Variants in CALN1 observed in about 807,000 individuals in gnomAD.
CALN1 encodes calcium-binding protein 8.
CALN1 carries 17 observed loss-of-function variants against 30.6 expected under a neutral mutation model. That is an observed-to-expected ratio of 0.56 (90% CI 0.38 to 0.83). The LOEUF (loss-of-function observed/expected upper bound fraction) is 0.83. Among genes scored for constraint, CALN1 ranks in the 40% least tolerant of loss-of-function variants. The pLI, the probability that CALN1 is intolerant of heterozygous loss-of-function variation, is 0.00. For synonymous variants in CALN1, 156 were observed against 131.4 expected, an observed-to-expected ratio of 1.19 and a Z score of -1.28; for missense variants, 291 against 354.9, an observed-to-expected ratio of 0.82 and a Z score of 1.45.
At chr7:72,314,436 T>A (rs967270340) in intron 2 of CALN1, among the ~76,000 whole-genome samples, 1 of 151,664 alleles carries the variant, frequency 6.6e-6, no homozygotes, top group Non-Finnish European at 1.5e-5. Flanking sequence ...CATAGATTTT[T>A]TTTTTTTGAG....
At chr7:72,446,758 G>A (rs1020851766) in intron 1 of CALN1, among the ~76,000 whole-genome samples, 2 of 152,112 alleles carry the variant, frequency 1.3e-5, no homozygotes, top group African/African-American at 2.4e-5. Flanking sequence ...TGAAAGAAGC[G>A]TGTCTCCCCA....
At chr7:72,445,985 A>C (rs1203932096) in intron 1 of CALN1, among the ~76,000 whole-genome samples, 1 of 152,028 alleles carries the variant, frequency 6.6e-6, no homozygotes, top group Non-Finnish European at 1.5e-5. Flanking sequence ...CAGTAAAAGC[A>C]CTTCCCCTCC....
At chr7:71,908,747 T>C (rs777638898) in intron 5 of CALN1, among the ~76,000 whole-genome samples, 2 of 152,120 alleles carry the variant, frequency 1.3e-5, no homozygotes, top group African/African-American at 4.8e-5. Context: ...GGAACTGAGG[T>C]AGAGCCTCCT....
chr7:72,029,567 T>A (rs1274097594), intron 4 of CALN1, among the ~76,000 whole-genome samples: 1 of 152,130 alleles, frequency 6.6e-6, no homozygotes, highest in Non-Finnish European at 1.5e-5. Context: ...GATTAGAACC[T>A]TGGAAATTTC....
upstream of CALN1, among the ~76,000 whole-genome samples, chr7:72,414,777 G>C (rs1357222074): frequency 6.6e-6 from 1 of 152,150 alleles, no homozygotes; most frequent in Non-Finnish European, 1.5e-5. Context: ...ATGCTTGGAT[G>C]GCCCAAGACT....
chr7:71,972,119 A>G (rs12538435), intron 5 of CALN1, among the ~76,000 whole-genome samples: 59,661 of 151,774 alleles, frequency 0.39, 13,199 homozygotes, highest in East Asian at 0.78. Context: ...ACGAATAGAC[A>G]AGTAAATGAA....
At chr7:72,307,592 T>C (rs184598165) in intron 2 of CALN1, among the ~76,000 whole-genome samples, 101 of 152,336 alleles carry the variant, frequency 6.6e-4, no homozygotes, top group Non-Finnish European at 4.1e-4. Context: ...TGATATTATC[T>C]GGGCAATGCG....
At chr7:72,055,901 G>C (rs573908064) in intron 4 of CALN1, among the ~76,000 whole-genome samples, 96 of 152,172 alleles carry the variant, frequency 6.3e-4, no homozygotes, top group African/African-American at 2.3e-3. Context: ...CACACCCATA[G>C]TCCCAACTAC....
At chr7:71,924,995 C>G (rs529265051) in intron 5 of CALN1, among the ~76,000 whole-genome samples, 1 of 152,254 alleles carries the variant, frequency 6.6e-6, no homozygotes, top group South Asian at 2.1e-4. Flanking sequence ...AATCCCAGCA[C>G]TTTGGGAGGC....
intron 3 of CALN1, among the ~76,000 whole-genome samples, chr7:72,142,614 T>C (rs1810035306): frequency 6.6e-6 from 1 of 152,158 alleles, no homozygotes; most frequent in Non-Finnish European, 1.5e-5. Context: ...GTCTGACATC[T>C]TGGAAGAGAG....
At chr7:71,869,414 AT>A in intron 5 of CALN1, among the ~76,000 whole-genome samples, 1 of 152,132 alleles carries the variant, frequency 6.6e-6, no homozygotes, top group Middle Eastern at 3.4e-3. Flanking sequence ...GTTTCACCAT[AT>A]TAGCCAGGCT....
chr7:72,366,946 T>A (rs1416628494), intron 2 of CALN1, among the ~76,000 whole-genome samples: 1 of 152,032 alleles, frequency 6.6e-6, no homozygotes, highest in Non-Finnish European at 1.5e-5. Context: ...ATAAAATGGA[T>A]AAATAAATTA....
chr7:72,109,043 G>A lies in CALN1; in HGVS notation c.245-2749C>T, dbSNP rs149292470. ...ACTACCATTGGCTTCTTTTCTGAGC[G>A]GTAAGCACCTCCTACCCTTCTTTCA... is the stretch of plus-strand genomic sequence containing the variant. On this transcript the variant is annotated intron_variant, in intron 3 of 6. Transcript: ENST00000395275. Among the ~76,000 whole-genome samples the A allele has an allele frequency of 1.4e-3, 206 of 152,240 alleles. 1 individual carries two copies. The highest frequency in any genetic ancestry group is 4.7e-3 in the African/African-American group (197 of 41,548).
chr7:72,382,683 T>TAATTATA, intron 2 of CALN1, among the ~76,000 whole-genome samples: 1 of 152,286 alleles, frequency 6.6e-6, no homozygotes, highest in East Asian at 1.9e-4. Context: ...ACCCAATGTT[T>TAATTATA]AGCTCCCACT....
At chr7:72,147,481 G>GATGTGGAGATATAGGAAC (rs775589538) in intron 3 of CALN1, among the ~76,000 whole-genome samples, 1 of 100,838 alleles carries the variant, frequency 9.9e-6, no homozygotes, top group African/African-American at 3.8e-5. Flanking sequence ...TGTTGGAGAG[G>GATGTGGAGATATAGGAAC]ACTGTTACAC....
intron 5 of CALN1, among the ~76,000 whole-genome samples, chr7:71,993,366 T>G (rs182226348): frequency 6.6e-6 from 1 of 152,168 alleles, no homozygotes; most frequent in East Asian, 1.9e-4. Context: ...CTTGGGAGGC[T>G]GAGGTGGGAG....
intron 3 of CALN1, among the ~76,000 whole-genome samples, chr7:72,239,934 G>C (rs1794725552): frequency 6.6e-6 from 1 of 152,178 alleles, no homozygotes; most frequent in Admixed American, 6.5e-5. Context: ...CACAAGCCAA[G>C]GGTGGAAGGG....
At chr7:72,009,260 GAACT>G (rs1395006901) in intron 5 of CALN1, among the ~76,000 whole-genome samples, 2 of 152,014 alleles carry the variant, frequency 1.3e-5, no homozygotes, top group African/African-American at 2.4e-5. Context: ...TATGTTTCAA[GAACT>G]AACAATGACA....
chr7:72,247,769 T>C (rs1353465512), intron 3 of CALN1, among the ~76,000 whole-genome samples: 2 of 152,014 alleles, frequency 1.3e-5, no homozygotes, highest in Non-Finnish European at 1.5e-5. Flanking sequence ...GGCAACAGGA[T>C]TGCTTGAGGC....
Sources: gnomAD v4.1 joint callset for allele counts (sites outside exome capture counted in the v4.1 genomes callset) on GRCh38, gnomAD v4.1.1 for gene constraint, MANE v1.5 for transcripts, NCBI Gene and HGNC (gene_info 2026-07-23, HGNC 2026-07-21) for gene names.